The following OTUD7A variants were observed in gnomAD, a reference collection of about 807,000 sequenced individuals.
OTUD7A encodes OTU deubiquitinase 7A.
OTUD7A carries 12 observed loss-of-function variants against 65.7 expected under a neutral mutation model. The observed-to-expected ratio is 0.18, with a 90% confidence interval of 0.12 to 0.30. The LOEUF (loss-of-function observed/expected upper bound fraction) is 0.30, where lower values mean the gene tolerates loss of function less well. Among genes scored for constraint, OTUD7A ranks in the 10% least tolerant of loss-of-function variants. The pLI is 1.00. For missense variants in OTUD7A, 1,148 were observed against 1,304.8 expected, an observed-to-expected ratio of 0.88 and a Z score of 1.85; for synonymous variants, 641 against 586.3, an observed-to-expected ratio of 1.09 and a Z score of -1.35.
intron 3 of OTUD7A, among the ~76,000 whole-genome samples, chr15:31,649,465 C>T (rs1484020864): frequency 6.6e-6 from 1 of 152,132 alleles, no homozygotes; most frequent in African/African-American, 2.4e-5. Context: ...ATGTACCTTC[C>T]GCTCAGCTTT....
chr15:31,727,375 G>A (rs1290582137), intron 1 of OTUD7A, among the ~76,000 whole-genome samples: 2 of 152,076 alleles, frequency 1.3e-5, no homozygotes, highest in Non-Finnish European at 2.9e-5. Flanking sequence ...ACCACATATT[G>A]TAGTTACTGT....
At chr15:31,548,681 C>T (rs1414009467) in intron 5 of OTUD7A, among the ~76,000 whole-genome samples, 5 of 152,148 alleles carry the variant, frequency 3.3e-5, no homozygotes, top group Admixed American at 1.3e-4. Flanking sequence ...ATCCCCAATA[C>T]GTGAAGGCTG....
At chr15:31,794,140 T>C (rs1050356092) in intron 1 of OTUD7A, among the ~76,000 whole-genome samples, 1 of 152,224 alleles carries the variant, frequency 6.6e-6, no homozygotes, top group Non-Finnish European at 1.5e-5. Context: ...TTTCTCTATA[T>C]GGAAAATTTT....
At chr15:31,736,392 G>A (rs547859278) in intron 1 of OTUD7A, among the ~76,000 whole-genome samples, 1 of 152,296 alleles carries the variant, frequency 6.6e-6, no homozygotes, top group African/African-American at 2.4e-5. Flanking sequence ...TATATTTATA[G>A]ATGTTTAATA....
chr15:31,753,071 A>G (rs900652144), intron 1 of OTUD7A, among the ~76,000 whole-genome samples: 1 of 152,198 alleles, frequency 6.6e-6, no homozygotes, highest in African/African-American at 2.4e-5. Context: ...GGAAATTAGC[A>G]TTTACTTTTA....
chr15:31,733,722 T>C (rs1489600905), intron 1 of OTUD7A, among the ~76,000 whole-genome samples: 1 of 152,140 alleles, frequency 6.6e-6, no homozygotes, highest in Non-Finnish European at 1.5e-5. Flanking sequence ...CACCATGGGG[T>C]CAGCTATAGA....
intron 3 of OTUD7A, among the ~76,000 whole-genome samples, chr15:31,606,649 TCAA>T (rs1175811824): frequency 2.0e-5 from 3 of 152,220 alleles, no homozygotes; most frequent in African/African-American, 7.2e-5. Flanking sequence ...AAAGCTGATG[TCAA>T]CATCTGTCAC....
intron 1 of OTUD7A, among the ~76,000 whole-genome samples, chr15:31,728,952 C>G (rs1893967488): frequency 6.6e-6 from 1 of 152,186 alleles, no homozygotes; most frequent in Non-Finnish European, 1.5e-5. Flanking sequence ...AGTAGTCCTG[C>G]CTTATCTGTG....
At chr15:31,823,432 C>T (rs1420966887) in intron 1 of OTUD7A, among the ~76,000 whole-genome samples, 1 of 152,106 alleles carries the variant, frequency 6.6e-6, no homozygotes, top group African/African-American at 2.4e-5. Flanking sequence ...ATGCAGACTC[C>T]CACACCAAGC....
chr15:31,649,118 A>G (rs1891761577), intron 3 of OTUD7A, among the ~76,000 whole-genome samples: 1 of 152,196 alleles, frequency 6.6e-6, no homozygotes, highest in Non-Finnish European at 1.5e-5. Context: ...GGGCTTAAAC[A>G]TGAGCTGCCC....
At chr15:31,870,032 G>T (rs1897983782) in intron 1 of OTUD7A, among the ~76,000 whole-genome samples, 1 of 151,274 alleles carries the variant, frequency 6.6e-6, no homozygotes, top group Non-Finnish European at 1.5e-5. Context: ...CAGCTCCGGT[G>T]CCCGGCGAGC....
Position 31,484,247 on chromosome 15 carries a change from C to T in OTUD7A, c.1849G>A (p.Asp617Asn), listed in dbSNP as rs748721291. ...PAEKGGGPRG[D>N]AWKYSTDVKL... ...ACATCCGTGCTGTACTTCCAGGCGT[C>T]GCCCCGCGGCCCACCGCCCTTCTCC... Residue 617 changes from aspartate (D) to asparagine (N), a missense_variant, in exon 13 of 13, where the codon GAC (aspartate) becomes AAC (asparagine). By Grantham distance (23) the Asp-to-Asn change is conservative. Transcript: ENST00000307050. This position sits in a 1 kb window ranked among gnomAD's most constrained non-coding sequence, Gnocchi z 4.5. 1 of 1,597,940 alleles carries T rather than the reference C, an allele frequency of 6.3e-7. No individual in the cohort carries two copies. The highest frequency in any genetic ancestry group is 8.5e-7 in the Non-Finnish European group (1 of 1,174,560).
chr15:31,516,126 C>T (rs964782357), intron 8 of OTUD7A, among the ~76,000 whole-genome samples: 1 of 152,206 alleles, frequency 6.6e-6, no homozygotes, highest in Non-Finnish European at 1.5e-5. Context: ...AGCCTCCTGG[C>T]AGAACACTCT....
rs1291340948 is a variant in OTUD7A at position 31,501,711 on chromosome 15, T to C, written c.1150A>G (p.Arg384Gly). Residue 384 changes from arginine to glycine, a missense_variant, in exon 10 of 13, where the codon AGA becomes GGA. Physicochemically the swap from Arg to Gly is moderately radical, Grantham distance 125. This residue lies in a region of OTUD7A where 58 missense variants were observed against 131.4 expected (regional missense o/e 0.44). Coordinates refer to ENST00000307050, the MANE Select transcript of OTUD7A (RefSeq NM_001382637.1). ...ATACCTTGTTCTCTTTGCTGGTCTCTCTGTTCCATGGACACAAGGGCAGAG... is the reference window on the plus strand; with the variant it reads ...ATACCTTGTTCTCTTTGCTGGTCTCCCTGTTCCATGGACACAAGGGCAGAG... ...HFSALVSMEQ[R>G]DQQREQAVIP... 2 of 1,614,056 alleles carry C rather than the reference T, an allele frequency of 1.2e-6. No individual in the cohort carries two copies. Among genetic ancestry groups the C allele is most frequent in the Non-Finnish European group, 1.7e-6 (2 of 1,180,036 alleles).
chr15:31,715,049 T>C (rs1893547930), intron 1 of OTUD7A, among the ~76,000 whole-genome samples: 1 of 151,786 alleles, frequency 6.6e-6, no homozygotes, highest in Non-Finnish European at 1.5e-5. Flanking sequence ...GGTAGGAGAA[T>C]TGCTTGAACC....
At chr15:31,616,089 T>C (rs1337426904) in intron 3 of OTUD7A, among the ~76,000 whole-genome samples, 1 of 152,212 alleles carries the variant, frequency 6.6e-6, no homozygotes, top group Non-Finnish European at 1.5e-5. Flanking sequence ...TGAAACCTCT[T>C]AGCTGCAGCG....
At chr15:31,683,495 G>A (rs950540779) in intron 1 of OTUD7A, among the ~76,000 whole-genome samples, 2 of 152,128 alleles carry the variant, frequency 1.3e-5, no homozygotes, top group Non-Finnish European at 1.5e-5. Flanking sequence ...CAATTTATGT[G>A]TAGTCCCTGG....
chr15:31,555,525 G>T (rs1888460810), intron 5 of OTUD7A, among the ~76,000 whole-genome samples: 1 of 152,228 alleles, frequency 6.6e-6, no homozygotes, highest in Admixed American at 6.5e-5. Context: ...GACTGTGACA[G>T]TGGGGGCCAC....
intron 1 of OTUD7A, among the ~76,000 whole-genome samples, chr15:31,785,482 G>C (rs1231958993): frequency 6.6e-6 from 1 of 152,030 alleles, no homozygotes; most frequent in Non-Finnish European, 1.5e-5. Flanking sequence ...CCCATTTCCA[G>C]ACCTGGCCTC....
Sources: gnomAD v4.1 joint callset for allele counts (sites outside exome capture counted in the v4.1 genomes callset) on GRCh38, gnomAD v4.1.1 for gene constraint, gnomAD v4.1.1 regional missense constraint, Gnocchi (gnomAD v3.1) non-coding constraint, MANE v1.5 for transcripts, NCBI Gene and HGNC (gene_info 2026-07-23, HGNC 2026-07-21) for gene names.